Variants in PTPRN2 observed in about 807,000 individuals in gnomAD.
The protein encoded by PTPRN2 is protein tyrosine phosphatase receptor type N2, also known as receptor-type tyrosine-protein phosphatase N2.
A neutral mutation model predicts 118.8 loss-of-function variants in PTPRN2; 74 were observed. That is an observed-to-expected ratio of 0.62 (90% CI 0.52 to 0.76). PTPRN2 has a LOEUF of 0.76. PTPRN2 is among the 30% of genes least tolerant of loss of function. PTPRN2 has a pLI of 0.00. For missense variants in PTPRN2, 1,481 were observed against 1,394.4 expected (o/e 1.06, Z -0.99); for synonymous variants, 641 against 608.0 (o/e 1.05, Z -0.80).
chr7:158,414,538 G>C (rs934403557), intron 2 of PTPRN2, among the ~76,000 whole-genome samples: 3 of 152,266 alleles, frequency 2.0e-5, no homozygotes, highest in Non-Finnish European at 4.4e-5. Flanking sequence ...GGGCTCAGCT[G>C]TAAGTCATAC....
intron 11 of PTPRN2, among the ~76,000 whole-genome samples, chr7:157,994,990 C>G (rs1156291795): frequency 7.1e-5 from 3 of 42,110 alleles, no homozygotes; most frequent in African/African-American, 2.4e-4. Flanking sequence ...ACTCCTGGTT[C>G]CTAAAATCAA....
chr7:158,155,796 C>CCATCATCATCAACACCATCAT (rs1821766114), intron 6 of PTPRN2, among the ~76,000 whole-genome samples: 1 of 151,732 alleles, frequency 6.6e-6, no homozygotes, highest in African/African-American at 2.4e-5. Flanking sequence ...ATCATCAACA[C>CCATCATCATCAACACCATCAT]CATCATCATC....
intron 12 of PTPRN2, among the ~76,000 whole-genome samples, chr7:157,710,566 A>T (rs570094572): frequency 6.9e-6 from 1 of 145,148 alleles, no homozygotes; most frequent in East Asian, 2.1e-4. Context: ...AACCCTGTGC[A>T]GTGAGGGCCA....
chr7:157,910,431 G>A (rs1203131661), intron 11 of PTPRN2, among the ~76,000 whole-genome samples: 3 of 146,370 alleles, frequency 2.0e-5, no homozygotes, highest in East Asian at 2.0e-4. Flanking sequence ...CCGTGGGAAC[G>A]GGTCCAGGAT....
intron 2 of PTPRN2, among the ~76,000 whole-genome samples, chr7:158,450,371 A>G (rs896116768): frequency 3.3e-5 from 5 of 152,244 alleles, no homozygotes; most frequent in African/African-American, 9.6e-5. Context: ...ACACATACAC[A>G]CACACTGGTG....
At chr7:158,381,865 C>T (rs1810987899) in intron 2 of PTPRN2, among the ~76,000 whole-genome samples, 3 of 152,140 alleles carry the variant, frequency 2.0e-5, no homozygotes, top group South Asian at 4.2e-4. Context: ...AGAGTTTGTG[C>T]AGAGAAACTC....
chr7:158,261,727 G>T (rs1170064966), intron 3 of PTPRN2, among the ~76,000 whole-genome samples: 1 of 152,218 alleles, frequency 6.6e-6, no homozygotes, highest in African/African-American at 2.4e-5. Flanking sequence ...GGACACAGCA[G>T]CTCTGTGGAA....
chr7:157,601,256 G>C (rs1801651127), intron 16 of PTPRN2, among the ~76,000 whole-genome samples: 1 of 152,198 alleles, frequency 6.6e-6, no homozygotes, highest in African/African-American at 2.4e-5. Context: ...GAAATGTAAT[G>C]AGGACTAAGT....
intron 14 of PTPRN2, among the ~76,000 whole-genome samples, chr7:157,650,307 G>T (rs2150723264): frequency 6.6e-6 from 1 of 152,358 alleles, no homozygotes; most frequent in South Asian, 2.1e-4. Context: ...CACCCGCCGT[G>T]CTGGGAAGGG....
intron 10 of PTPRN2, among the ~76,000 whole-genome samples, chr7:158,088,341 C>T (rs1813686702): frequency 3.2e-5 from 1 of 31,158 alleles, no homozygotes; most frequent in African/African-American, 5.8e-5. Context: ...CACAAACCTT[C>T]CTCCCCTGAT....
At chr7:157,857,385 GGGA>G (rs1563177964) in intron 12 of PTPRN2, 1 of 152,246 alleles carries the variant, frequency 6.6e-6, no homozygotes, top group Non-Finnish European at 1.5e-5. Flanking sequence ...GCATCCCCTA[GGGA>G]GGAGGAGATG....
chr7:158,459,698 G>A (rs938774747), intron 2 of PTPRN2, among the ~76,000 whole-genome samples: 15 of 152,174 alleles, frequency 9.9e-5, no homozygotes, highest in Admixed American at 3.3e-4. Context: ...GGGCCCTGCC[G>A]TTTCTCCATC....
rs1819856218 is a variant in PTPRN2, at chr7:158,471,609, A to G, written c.163+18126T>C. Among the ~76,000 whole-genome samples the G allele has an allele frequency of 2.0e-5, 3 of 151,800 alleles. No individual in the cohort carries two copies. In the South Asian group the frequency reaches 6.3e-4, roughly 32 times the overall value. On this transcript the variant is annotated intron_variant, in intron 2 of 22. Transcript: ENST00000389418. Reference sequence around the variant, plus strand: ...AGGCTGAGGCAGGAGAATCGCTTGAACCCGGGAGTCAGAAGTTGTGGCGAG... The same window carrying G: ...AGGCTGAGGCAGGAGAATCGCTTGAGCCCGGGAGTCAGAAGTTGTGGCGAG...
chr7:158,429,073 G>A (rs142044311), intron 2 of PTPRN2, among the ~76,000 whole-genome samples: 148 of 152,300 alleles, frequency 9.7e-4, no homozygotes, highest in African/African-American at 3.3e-3. Flanking sequence ...TGGCTGTCTC[G>A]CTTGCTAAAC....
rs111945500 is a variant in PTPRN2, at chr7:158,306,783, G to A, written c.277+10036C>T. On this transcript the variant is annotated intron_variant, in intron 3 of 22. Coordinates refer to ENST00000389418, the MANE Select transcript of PTPRN2 (RefSeq NM_002847.5). Reference sequence around the variant, plus strand: ...ACATGCAAATGTGCCTCTTCCACAGGAAAACAATAGAAGCTGTTCTTGGGG... The same window carrying A: ...ACATGCAAATGTGCCTCTTCCACAGAAAAACAATAGAAGCTGTTCTTGGGG... Among the ~76,000 whole-genome samples, 1,143 of 150,804 alleles carry A rather than the reference G, an allele frequency of 7.6e-3. 17 individuals carry two copies. Among genetic ancestry groups the A allele is most frequent in the African/African-American group, 0.027 (1,089 of 41,034 alleles).
chr7:157,659,889 C>G (rs774867630), intron 13 of PTPRN2, among the ~76,000 whole-genome samples: 124 of 152,022 alleles, frequency 8.2e-4, no homozygotes, highest in Non-Finnish European at 1.4e-3. Context: ...GGATTACAGG[C>G]GCCTGCCACC....
chr7:158,270,104 G>A (rs968407657), intron 3 of PTPRN2, among the ~76,000 whole-genome samples: 3 of 152,210 alleles, frequency 2.0e-5, no homozygotes, highest in African/African-American at 4.8e-5. Flanking sequence ...TGCTCACTGT[G>A]GAGGGGAGCC....
intron 12 of PTPRN2, among the ~76,000 whole-genome samples, chr7:157,688,426 A>G (rs889725382): frequency 5.3e-5 from 8 of 152,344 alleles, no homozygotes; most frequent in Non-Finnish European, 5.9e-5. Context: ...CCAGAGGCTG[A>G]GCAGGGGAAG....
intron 14 of PTPRN2, among the ~76,000 whole-genome samples, chr7:157,651,254 T>C (rs1277106776): frequency 6.6e-6 from 1 of 152,186 alleles, no homozygotes; most frequent in East Asian, 1.9e-4. Flanking sequence ...TCTCTGTCAC[T>C]GCGCTTGGTT....
Sources: allele counts gnomAD v4.1 joint callset (sites outside exome capture counted in the v4.1 genomes callset), GRCh38; gene constraint gnomAD v4.1.1; transcripts MANE v1.5; gene names NCBI Gene and HGNC (gene_info 2026-07-23, HGNC 2026-07-21).